The following OTOF variants were observed in gnomAD, a reference collection of about 807,000 sequenced individuals.
OTOF encodes the protein otoferlin.
Under a neutral mutation model 236.8 loss-of-function variants are expected in OTOF, and 218 were observed. That is an observed-to-expected ratio of 0.92 (90% CI 0.82 to 1.03). OTOF has a LOEUF of 1.03. Ranked by LOEUF, OTOF falls within the 50% of genes least tolerant of loss-of-function variation. The probability of loss-of-function intolerance (pLI) is 0.00; values close to 1 mark genes in which losing one functional copy is unlikely to be tolerated. For missense variants in OTOF, 2,590 were observed against 2,694.4 expected (o/e 0.96, Z 0.86); for synonymous variants, 1,041 against 1,072.5 (o/e 0.97, Z 0.57).
At position 26,482,580 on chromosome 2, in the gene OTOF, C is replaced by T; in HGVS notation, c.1405G>A (p.Val469Met). ...AGGGGCTCATAGCTGCTCTTCTGCA[C>T]TGAAGTCTTGCCCTGGTGGAAGGGG... ...FFAGQKGKTSVQKSSYEPLWN... is the reference protein window; with the variant it reads ...FFAGQKGKTSMQKSSYEPLWN... The change falls in exon 14 of 47, where the codon GTG (valine) becomes ATG (methionine). Residue 469 changes from valine to methionine, a missense_variant. Transcript: ENST00000272371. 6.2e-7 allele frequency: 1 copy of T among 1,612,952 alleles called. No homozygotes were observed. Among genetic ancestry groups the T allele is most frequent in the African/African-American group, 1.3e-5 (1 of 75,046 alleles).
At position 26,460,394 on chromosome 2, in the gene OTOF, G is replaced by T. The variant is rs551308124; in HGVS notation, c.5814-189C>A. ...GAGCTGGCTCTTCTGCAAAAGCTAG[G>T]AAGGGAAGAGCATAGTTTCTCTCCG... On this transcript the variant is annotated intron_variant, in intron 45 of 46. Coordinates refer to ENST00000272371, the MANE Select transcript of OTOF (RefSeq NM_194248.3). The surrounding 1 kb of genome is among the most constrained non-coding windows in gnomAD (Gnocchi z 5.3). Among the ~76,000 whole-genome samples the T allele has an allele frequency of 3.9e-5, 6 of 152,230 alleles. No homozygotes were observed. The highest frequency in any genetic ancestry group is 8.8e-5 in the Non-Finnish European group (6 of 68,042).
At chr2:26,467,028 T>G (rs1572410434) in intron 35 of OTOF, 71 bp downstream of exon 35, 14 of 1,522,658 alleles carry the variant, frequency 9.2e-6, no homozygotes, top group Admixed American at 1.8e-5. Context: ...TGGTGGGAGG[T>G]GAGTGGGGGA....
At chr2:26,553,127 GA>G in intron 1 of OTOF, among the ~76,000 whole-genome samples, 1 of 152,284 alleles carries the variant, frequency 6.6e-6, no homozygotes, top group East Asian at 1.9e-4. Flanking sequence ...ACAGTAGGGG[GA>G]CATCTTGTCC....
chr2:26,539,014 T>C (rs1403619498), intron 1 of OTOF, among the ~76,000 whole-genome samples: 1 of 152,084 alleles, frequency 6.6e-6, no homozygotes, highest in African/African-American at 2.4e-5. Context: ...GGTTTCACCA[T>C]GTTGGCCAGG....
chr2:26,494,780 G>T lies in OTOF; in HGVS notation c.897+162C>A, dbSNP rs146033047. ...GGGTTCAGAGGATTCAGAAGATGTG[G>T]CTCTGTTTGTCAGTGTCCTGGGGGT... On this transcript the variant is annotated intron_variant, in intron 9 of 46. Transcript: ENST00000272371. Among the ~76,000 whole-genome samples the T allele has an allele frequency of 3.9e-3, 588 of 152,262 alleles. 2 individuals are homozygous for T. Among genetic ancestry groups the T allele is most frequent in the Non-Finnish European group, 6.1e-3 (417 of 68,014 alleles).
rs186858152 is a variant in OTOF at position 26,477,368 on chromosome 2, C to T, written c.2406+48G>A. 3.2e-6 allele frequency: 5 copies of T among 1,573,668 alleles called. No homozygotes were observed. The East Asian group carries it at 7.0e-5, about 22-fold the overall frequency. ...GACAAAGGGGGTTGTGACACCTTCT[C>T]ACAACCAGGCCCTCCCTCCAGCCCC... On this transcript the variant is annotated intron_variant, in intron 20 of 46. Coordinates refer to ENST00000272371, the MANE Select transcript of OTOF (RefSeq NM_194248.3). The surrounding 1 kb of genome is among the most constrained non-coding windows in gnomAD (Gnocchi z 4.7).
In OTOF at chr2:26,480,257, A is replaced by G; in HGVS notation, c.1858T>C (p.Ser620Pro). The G allele has an allele frequency of 6.2e-7, 1 of 1,612,978 alleles. No individual in the cohort carries two copies. The highest frequency in any genetic ancestry group is 1.1e-5 in the South Asian group (1 of 91,072). Residue 620 changes from serine to proline, a missense_variant, in exon 16 of 47, where the codon TCA becomes CCA. Coordinates refer to ENST00000272371, the MANE Select transcript of OTOF (RefSeq NM_194248.3). ...FFLFGAFLEA[S>P]MIDRRNGDKP... is the part of the protein sequence containing the mutation. ...TCTCCGTTTCTCCGGTCGATCATTGAGGCCTCCAGGAAGGCTCCAAAGAGA... is the reference window on the plus strand; with the variant it reads ...TCTCCGTTTCTCCGGTCGATCATTGGGGCCTCCAGGAAGGCTCCAAAGAGA...
intron 6 of OTOF, 45 bp downstream of exon 6, chr2:26,503,727 G>C: frequency 6.4e-7 from 1 of 1,561,966 alleles, no homozygotes; most frequent in Non-Finnish European, 8.8e-7. Flanking sequence ...GCGGGAGGGC[G>C]CCGCGAGGCG....
At chr2:26,558,452 C>T (rs1355066038) in intron 1 of OTOF, 41 bp downstream of exon 1, 4 of 1,562,816 alleles carry the variant, frequency 2.6e-6, no homozygotes, top group Non-Finnish European at 3.5e-6. Flanking sequence ...GCTGGTCCAG[C>T]TCTCAGAGCT....
chr2:26,520,350 T>C (rs1486615964), intron 3 of OTOF, among the ~76,000 whole-genome samples: 1 of 152,030 alleles, frequency 6.6e-6, no homozygotes, highest in Non-Finnish European at 1.5e-5. Context: ...AGGTATCAGA[T>C]GAATTCTGAC....
intron 6 of OTOF, among the ~76,000 whole-genome samples, chr2:26,503,512 CTGCG>C (rs1666171237): frequency 6.6e-6 from 1 of 152,270 alleles, no homozygotes; most frequent in African/African-American, 2.4e-5. Flanking sequence ...CACTGGGCTT[CTGCG>C]TGAAGAAGGA....
At chr2:26,552,096 A>AAC (rs1209686168) in intron 1 of OTOF, among the ~76,000 whole-genome samples, 1 of 151,148 alleles carries the variant, frequency 6.6e-6, no homozygotes, top group Non-Finnish European at 1.5e-5. Flanking sequence ...AAAGTTAAAA[A>AAC]AAAAAAAAAA....
chr2:26,458,024 C>T lies in OTOF; in HGVS notation c.*214G>A, dbSNP rs770374448. 40 of 1,607,178 alleles carry T rather than the reference C, an allele frequency of 2.5e-5. No homozygotes were observed. The highest frequency in any genetic ancestry group is 2.5e-4 in the East Asian group (11 of 44,840). On this transcript the variant is annotated 3_prime_UTR_variant, in exon 47 of 47. Transcript: ENST00000272371. ...TGCGGCAGGGCTGGGGAGCGGCTGG[C>T]GGGAGCTGGCGGCCTTCATGCCCCA... is the stretch of plus-strand genomic sequence containing the variant.
At position 26,465,045 on chromosome 2, in the gene OTOF, C is replaced by T; in HGVS notation, c.4800-16G>A. On this transcript the variant is annotated splice_polypyrimidine_tract_variant and intron_variant, in intron 38 of 46. Transcript: ENST00000272371. Reference sequence around the variant, plus strand: ...GTAGCCATGTCTGTGGGAGGGGACACACAGGCTTGGAGGGGCTGGGTGGGA... The same window carrying T: ...GTAGCCATGTCTGTGGGAGGGGACATACAGGCTTGGAGGGGCTGGGTGGGA... The T allele has an allele frequency of 6.8e-7, 1 of 1,465,264 alleles. No individual in the cohort carries two copies. The highest frequency in any genetic ancestry group is 9.1e-7 in the Non-Finnish European group (1 of 1,102,508). 90.8% of individuals were successfully genotyped at this position (1,465,264 alleles called of 1,614,324 possible).
chr2:26,492,910 T>C (rs1392476954), intron 9 of OTOF, among the ~76,000 whole-genome samples: 1 of 152,156 alleles, frequency 6.6e-6, no homozygotes, highest in Non-Finnish European at 1.5e-5. Flanking sequence ...AGAGCAGCTC[T>C]GTGCCCTTGG....
At chr2:26,532,279 G>A (rs1053356199) in intron 2 of OTOF, among the ~76,000 whole-genome samples, 2 of 152,084 alleles carry the variant, frequency 1.3e-5, no homozygotes. Context: ...GCACAAGGCT[G>A]GTTGGTGGCA....
intron 3 of OTOF, among the ~76,000 whole-genome samples, chr2:26,525,707 A>G (rs532031894): frequency 2.0e-5 from 3 of 152,244 alleles, no homozygotes; most frequent in East Asian, 3.9e-4. Flanking sequence ...GGATGGATGA[A>G]TGGATGGAAG....
intron 1 of OTOF, among the ~76,000 whole-genome samples, chr2:26,558,088 GCC>G (rs144569310): frequency 1.0e-3 from 158 of 151,962 alleles, no homozygotes; most frequent in African/African-American, 3.6e-3. Flanking sequence ...CACCCTGGGT[GCC>G]CCAGGCTCCA....
At chr2:26,541,877 G>A (rs1022573437) in intron 1 of OTOF, among the ~76,000 whole-genome samples, 2 of 152,172 alleles carry the variant, frequency 1.3e-5, no homozygotes, top group African/African-American at 4.8e-5. Context: ...AGGTTCGATG[G>A]GGGAAATAGA....
Sources: gnomAD v4.1 joint callset for allele counts (sites outside exome capture counted in the v4.1 genomes callset) on GRCh38, gnomAD v4.1.1 for gene constraint, Gnocchi (gnomAD v3.1) non-coding constraint, MANE v1.5 for transcripts, NCBI Gene and HGNC (gene_info 2026-07-23, HGNC 2026-07-21) for gene names.